The following DPYD variants were observed in gnomAD, a reference collection of about 807,000 sequenced individuals.
The protein encoded by DPYD is dihydropyrimidine dehydrogenase, also known as dihydropyrimidine dehydrogenase [NADP(+)].
DPYD carries 109 observed loss-of-function variants against 116.2 expected under a neutral mutation model. That is an observed-to-expected ratio of 0.94 (90% CI 0.80 to 1.10). The LOEUF (loss-of-function observed/expected upper bound fraction) is 1.10, where lower values mean the gene tolerates loss of function less well. Among genes scored for constraint, DPYD ranks in the 50% least tolerant of loss-of-function variants. The pLI, the probability that DPYD is intolerant of heterozygous loss-of-function variation, is 0.00. For missense variants in DPYD, 1,302 were observed against 1,254.5 expected (o/e 1.04, Z -0.57); for synonymous variants, 440 against 432.0 (o/e 1.02, Z -0.23).
chr1:97,435,410 A>AATTCAT lies in DPYD; in HGVS notation c.1905+14643_1905+14648dup, dbSNP rs1253063947. Among the ~76,000 whole-genome samples, 5 of 151,974 alleles carry AATTCAT rather than the reference A, an allele frequency of 3.3e-5. No homozygotes were observed. The East Asian group carries it at 9.6e-4, about 29-fold the overall frequency. On this transcript the variant is annotated intron_variant, in intron 14 of 22. Coordinates refer to ENST00000370192, the MANE Select transcript of DPYD (RefSeq NM_000110.4). ...TAGTAAAATTTTCAGTAAATTAAAGAATTCATTATACACATTTAACTGTTA... is the reference window on the plus strand; with the variant it reads ...TAGTAAAATTTTCAGTAAATTAAAGAATTCATATTCATTATACACATTTAACTGTTA...
At chr1:97,433,012 C>T (rs943591451) in intron 14 of DPYD, among the ~76,000 whole-genome samples, 1 of 152,062 alleles carries the variant, frequency 6.6e-6, no homozygotes, top group Non-Finnish European at 1.5e-5. Flanking sequence ...TTAGGTTGCT[C>T]GGGAGTTCTC....
At chr1:97,172,979 T>C (rs1188765237) in intron 20 of DPYD, among the ~76,000 whole-genome samples, 1 of 152,134 alleles carries the variant, frequency 6.6e-6, no homozygotes. Flanking sequence ...TGTTTCCTTC[T>C]AATTCCATAA....
rs576261308 is a variant in DPYD at position 97,149,386 on chromosome 1, G to A, written c.2622+43683C>T. 4.6e-3 allele frequency among the ~76,000 whole-genome samples: 704 copies of A among 152,234 alleles called. 7 individuals carry two copies. The highest frequency in any genetic ancestry group is 0.016 in the African/African-American group (673 of 41,524). The stretch of plus-strand genomic sequence containing the variant: ...TCCTGCCTCAACATCCCAAGTAGCT[G>A]GGATTACAGGCATGCACTGCCACGC... On this transcript the variant is annotated intron_variant, in intron 20 of 22. Coordinates refer to ENST00000370192, the MANE Select transcript of DPYD (RefSeq NM_000110.4).
chr1:97,167,278 G>T (rs544342149), intron 20 of DPYD, among the ~76,000 whole-genome samples: 2 of 152,006 alleles, frequency 1.3e-5, no homozygotes, highest in Non-Finnish European at 2.9e-5. Context: ...ATACTCTCTC[G>T]ATTTTATTTA....
rs1283428845 is a variant in DPYD at position 97,373,619 on chromosome 1, A to G, written c.2000T>C (p.Leu667Ser). 6.2e-7 allele frequency: 1 copy of G among 1,613,890 alleles called. No individual in the cohort carries two copies. The highest frequency in any genetic ancestry group is 8.5e-7 in the Non-Finnish European group (1 of 1,179,822). ...CATGCCATGTGGACATGATAAATTT[A>G]ACTCCAGGGCATCTGCTCCAGAATC... ...SEDSGADALE[L>S]NLSCPHGMGE... Residue 667 changes from leucine to serine, a missense_variant, in exon 16 of 23, where the codon TTA (leucine) becomes TCA (serine). By Grantham distance (145) the Leu-to-Ser change is moderately radical. Coordinates refer to ENST00000370192, the MANE Select transcript of DPYD (RefSeq NM_000110.4).
intron 14 of DPYD, among the ~76,000 whole-genome samples, chr1:97,435,351 A>C (rs1294110137): frequency 6.6e-6 from 1 of 151,928 alleles, no homozygotes; most frequent in Non-Finnish European, 1.5e-5. Flanking sequence ...TACTTTTATA[A>C]ATTTTGGTTA....
At chr1:97,742,165 G>C (rs968518084) in intron 3 of DPYD, among the ~76,000 whole-genome samples, 1 of 152,052 alleles carries the variant, frequency 6.6e-6, no homozygotes, top group Admixed American at 6.6e-5. Flanking sequence ...ATTTCACTGA[G>C]CATGAATCCT....
intron 1 of DPYD, among the ~76,000 whole-genome samples, chr1:97,886,659 T>C (rs1449342201): frequency 6.6e-6 from 1 of 151,930 alleles, no homozygotes; most frequent in Non-Finnish European, 1.5e-5. Flanking sequence ...ACACAAGCCA[T>C]AAGAACAGAG....
At chr1:97,581,661 T>C (rs1052725335) in intron 10 of DPYD, among the ~76,000 whole-genome samples, 2 of 149,288 alleles carry the variant, frequency 1.3e-5, no homozygotes, top group Non-Finnish European at 3.0e-5. Context: ...TGGGAGGATC[T>C]GTAGAGCCCA....
chr1:97,553,966 T>G (rs1651505566), intron 11 of DPYD, among the ~76,000 whole-genome samples: 2 of 150,730 alleles, frequency 1.3e-5, no homozygotes, highest in South Asian at 4.2e-4. Context: ...TTTTCTGCTT[T>G]AATTACTACT....
At chr1:97,148,515 A>T (rs774106736) in intron 20 of DPYD, among the ~76,000 whole-genome samples, 32 of 152,154 alleles carry the variant, frequency 2.1e-4, no homozygotes, top group Non-Finnish European at 3.5e-4. Context: ...TTAATTATAG[A>T]TCTATTTCAT....
At chr1:97,302,796 C>A (rs1247189755) in intron 18 of DPYD, among the ~76,000 whole-genome samples, 1 of 152,008 alleles carries the variant, frequency 6.6e-6, no homozygotes, top group Non-Finnish European at 1.5e-5. Flanking sequence ...GCAAAGCATT[C>A]TGACATTTCT....
rs1667153892 is a variant in DPYD at position 97,306,213 on chromosome 1, T to C, written c.2143A>G (p.Thr715Ala). The C allele has an allele frequency of 6.2e-7, 1 of 1,612,568 alleles. No individual in the cohort carries two copies. The highest frequency in any genetic ancestry group is 1.3e-5 in the African/African-American group (1 of 74,924). ...GCTCTTGCGATGCTCACAATATCAGTGACATTTGGGGTCAGCTTGGCAAAA... is the reference window on the plus strand; with the variant it reads ...GCTCTTGCGATGCTCACAATATCAGCGACATTTGGGGTCAGCTTGGCAAAA... ...PFFAKLTPNV[T>A]DIVSIARAAK... The change falls in exon 17 of 23, where the codon ACT (threonine) becomes GCT (alanine). Residue 715 changes from threonine to alanine, a missense_variant. Physicochemically the swap from Thr to Ala is moderately conservative, Grantham distance 58. Transcript: ENST00000370192.
At chr1:97,510,073 G>A (rs1647663933) in intron 13 of DPYD, among the ~76,000 whole-genome samples, 1 of 151,580 alleles carries the variant, frequency 6.6e-6, no homozygotes, top group African/African-American at 2.4e-5. Flanking sequence ...CTGTCAACAG[G>A]GGCCATCATT....
chr1:97,199,512 A>G (rs1173254723), intron 19 of DPYD, among the ~76,000 whole-genome samples: 1 of 152,148 alleles, frequency 6.6e-6, no homozygotes, highest in Non-Finnish European at 1.5e-5. Flanking sequence ...ATTTCATACT[A>G]TGAATAAATC....
chr1:97,295,698 T>C, intron 18 of DPYD: 2 of 924,616 alleles, frequency 2.2e-6, no homozygotes, highest in Non-Finnish European at 2.6e-6. Flanking sequence ...CCCGAAGTGC[T>C]GGGATTCCAT....
At chr1:97,237,278 G>C (rs1271311298) in intron 18 of DPYD, among the ~76,000 whole-genome samples, 2 of 145,750 alleles carry the variant, frequency 1.4e-5, no homozygotes, top group Non-Finnish European at 3.0e-5. Context: ...AAAAATCGGT[G>C]GCTTTCTTTT....
chr1:97,085,483 C>A (rs887796288), intron 21 of DPYD, among the ~76,000 whole-genome samples: 1 of 152,096 alleles, frequency 6.6e-6, no homozygotes, highest in Non-Finnish European at 1.5e-5. Flanking sequence ...AACAATTCAT[C>A]CCTTATTAAG....
intron 20 of DPYD, among the ~76,000 whole-genome samples, chr1:97,140,710 G>A (rs1355950977): frequency 6.6e-6 from 1 of 152,124 alleles, no homozygotes; most frequent in Non-Finnish European, 1.5e-5. Context: ...ATAGGGCCTA[G>A]TGCAGGTTAA....
Sources: gnomAD v4.1 joint callset for allele counts (sites outside exome capture counted in the v4.1 genomes callset) on GRCh38, gnomAD v4.1.1 for gene constraint, MANE v1.5 for transcripts, NCBI Gene and HGNC (gene_info 2026-07-23, HGNC 2026-07-21) for gene names.